CELF2: variants seen among roughly 807,000 people sequenced by gnomAD.
CELF2 encodes CUG triplet repeat RNA-binding protein 2.
In CELF2, 8 loss-of-function variants were observed where a neutral mutation model predicts 62.6. That is an observed-to-expected ratio of 0.13 (90% CI 0.07 to 0.23). The LOEUF (loss-of-function observed/expected upper bound fraction) is 0.23. CELF2 is among the 10% of genes least tolerant of loss of function. The pLI is 1.00. For missense variants in CELF2, 333 were observed against 671.0 expected (o/e 0.50, Z 5.56); for synonymous variants, 258 against 250.0 (o/e 1.03, Z -0.30).
At chr10:10,612,657 T>C in the CELF2 span, among the ~76,000 whole-genome samples, 4 of 152,144 alleles carry the variant, frequency 2.6e-5, no homozygotes, top group Non-Finnish European at 5.9e-5. Flanking sequence ...TTCAAAGTAA[T>C]GGGTTTGTAT....
At chr10:11,134,872 C>G (rs1747720) in intron 1 of CELF2, among the ~76,000 whole-genome samples, 48,092 of 152,120 alleles carry the variant, frequency 0.32, 8,523 homozygotes, top group East Asian at 0.76. Context: ...ACGTGTCTAT[C>G]TTTCTGATTG....
At chr10:10,912,385 TGG>T (rs1158405426) in intron 1 of CELF2, among the ~76,000 whole-genome samples, 1 of 152,178 alleles carries the variant, frequency 6.6e-6, no homozygotes, top group Non-Finnish European at 1.5e-5. Context: ...TTCCTAACAA[TGG>T]GACTTACTTT....
At position 11,297,930 on chromosome 10, in the gene CELF2, C is replaced by G. The variant is rs555975829; in HGVS notation, c.976+9378C>G. 2.0e-5 allele frequency among the ~76,000 whole-genome samples: 3 copies of G among 152,114 alleles called. No homozygotes were observed. The South Asian group carries it at 6.2e-4, about 32-fold the overall frequency. ...CCAGGAGGCAGAGGTTGCAGTGAGCCGAGATCACGTCACTGCACTCCAGCC... is the reference window on the plus strand; with the variant it reads ...CCAGGAGGCAGAGGTTGCAGTGAGCGGAGATCACGTCACTGCACTCCAGCC... On this transcript the variant is annotated intron_variant, in intron 9 of 12. Coordinates refer to ENST00000633077, the MANE Select transcript of CELF2 (RefSeq NM_001326342.2). The surrounding 1 kb of genome is among the most constrained non-coding windows in gnomAD (Gnocchi z 4.4).
chr10:11,209,636 G>T (rs2061312631), intron 2 of CELF2, among the ~76,000 whole-genome samples: 1 of 148,368 alleles, frequency 6.7e-6, no homozygotes, highest in Non-Finnish European at 1.5e-5. Context: ...TTTTTGATGG[G>T]TTTTTTTTTA....
At chr10:11,141,862 G>C (rs2061403797) in intron 1 of CELF2, among the ~76,000 whole-genome samples, 1 of 152,168 alleles carries the variant, frequency 6.6e-6, no homozygotes, top group Admixed American at 6.5e-5. Flanking sequence ...TTCACATATA[G>C]TATCTGTTTT....
At chr10:10,769,862 C>T in the CELF2 span, among the ~76,000 whole-genome samples, 1 of 152,114 alleles carries the variant, frequency 6.6e-6, no homozygotes, top group Non-Finnish European at 1.5e-5. Flanking sequence ...AGAATTACCT[C>T]CTAAATACAT....
rs1297831719 is a variant in CELF2 at position 11,237,420 on chromosome 10, T to A, written c.355-11733T>A. On this transcript the variant is annotated intron_variant, in intron 3 of 12. Transcript: ENST00000633077. The surrounding 1 kb of genome is among the most constrained non-coding windows in gnomAD (Gnocchi z 4.0). ...TTTCCTATGGGGTGAGGCAGGAGTG[T>A]GGCTGGAAGAGTCTGAGTAGTAGGT... is the stretch of plus-strand genomic sequence containing the variant. 6.6e-6 allele frequency among the ~76,000 whole-genome samples: 1 copy of A among 152,062 alleles called. No homozygotes were observed. The highest frequency in any genetic ancestry group is 1.5e-5 in the Non-Finnish European group (1 of 68,014).
chr10:11,211,877 C>G lies in CELF2; in HGVS notation c.272-5548C>G, dbSNP rs540149122. Among the ~76,000 whole-genome samples, 4 of 148,916 alleles carry G rather than the reference C, an allele frequency of 2.7e-5. No individual in the cohort carries two copies. The highest frequency in any genetic ancestry group is 7.4e-5 in the African/African-American group (3 of 40,394). Reference sequence around the variant, plus strand: ...GTGTAACTACCATTGGCCTTTGGGGCTTTATCTTTGGAAACAGCAAAAATC... The same window carrying G: ...GTGTAACTACCATTGGCCTTTGGGGGTTTATCTTTGGAAACAGCAAAAATC... On this transcript the variant is annotated intron_variant, in intron 2 of 12. Transcript: ENST00000633077. This position sits in a 1 kb window ranked among gnomAD's most constrained non-coding sequence, Gnocchi z 4.8.
the CELF2 span, among the ~76,000 whole-genome samples, chr10:10,530,858 C>A: frequency 1.3e-5 from 2 of 152,116 alleles, no homozygotes; most frequent in Non-Finnish European, 2.9e-5. Flanking sequence ...ATTTTAGATG[C>A]AGAATAGAAT....
intron 1 of CELF2, among the ~76,000 whole-genome samples, chr10:10,831,807 A>G (rs2057881513): frequency 6.6e-6 from 1 of 152,152 alleles, no homozygotes; most frequent in Admixed American, 6.5e-5. Context: ...CCCTGTCTCT[A>G]CTAAAAATAC....
At chr10:11,030,080 A>G (rs1191974625) in intron 1 of CELF2, among the ~76,000 whole-genome samples, 1 of 152,302 alleles carries the variant, frequency 6.6e-6, no homozygotes, top group African/African-American at 2.4e-5. Context: ...TCCAGTGTCA[A>G]CCAAACTAAT....
chr10:10,805,250 G>A lies in CELF2; in HGVS notation c.53+6433G>A, dbSNP rs545548732. On this transcript the variant is annotated intron_variant, in intron 1 of 13. Coordinates refer to the CELF2 transcript ENST00000636488. ...GGTGTGGAGCCCCAGTGTGGACTTG[G>A]GTATTGCTAACCCTGAGCTAGAGCA... Among the ~76,000 whole-genome samples, 119 of 152,158 alleles carry A rather than the reference G, an allele frequency of 7.8e-4. 1 individual carries two copies. Among genetic ancestry groups the A allele is most frequent in the Middle Eastern group, 6.8e-3 (2 of 294 alleles).
intron 1 of CELF2, among the ~76,000 whole-genome samples, chr10:10,858,866 AAGG>A (rs1353717808): frequency 6.6e-6 from 1 of 152,190 alleles, no homozygotes; most frequent in Non-Finnish European, 1.5e-5. Flanking sequence ...TTTAAAAAGT[AAGG>A]AGGATTATAA....
At chr10:10,701,072 T>A in the CELF2 span, among the ~76,000 whole-genome samples, 4 of 152,196 alleles carry the variant, frequency 2.6e-5, no homozygotes, top group Admixed American at 6.5e-5. Flanking sequence ...TCAGCGGCCC[T>A]CAGGTATGGC....
Position 11,197,654 on chromosome 10 carries a change from G to A in CELF2, c.272-19771G>A, listed in dbSNP as rs536295379. ...GCTCCCCCGCCTGATCCGCTGAACAGAATCTCAGTTCTGTTTGACTTACAC... is the reference window on the plus strand; with the variant it reads ...GCTCCCCCGCCTGATCCGCTGAACAAAATCTCAGTTCTGTTTGACTTACAC... On this transcript the variant is annotated intron_variant, in intron 2 of 12. Transcript: ENST00000633077. 7.9e-5 allele frequency among the ~76,000 whole-genome samples: 12 copies of A among 152,360 alleles called. No homozygotes were observed. The South Asian group carries it at 2.5e-3, about 32-fold the overall frequency.
intron 8 of CELF2, among the ~76,000 whole-genome samples, chr10:11,281,717 C>T (rs986295260): frequency 6.6e-6 from 1 of 152,164 alleles, no homozygotes; most frequent in Non-Finnish European, 1.5e-5. Context: ...TTCACTCCAG[C>T]CCGGTGACGG....
chr10:11,264,904 C>T (rs2081744790), intron 5 of CELF2, among the ~76,000 whole-genome samples: 1 of 152,220 alleles, frequency 6.6e-6, no homozygotes, highest in Non-Finnish European at 1.5e-5. Flanking sequence ...CAGGCTTCTT[C>T]AAGCCAGCTT....
Position 11,329,322 on chromosome 10 carries a change from CTTTTACCTTTTTT to C in CELF2, c.*273_*285del, listed in dbSNP as rs1353408387. The C allele has an allele frequency of 7.8e-6, 2 of 257,148 alleles. No individual in the cohort carries two copies. Among genetic ancestry groups the C allele is most frequent in the Non-Finnish European group, 1.5e-5 (2 of 137,298 alleles). 15.9% of individuals were successfully genotyped at this position (257,148 alleles called of 1,614,324 possible). On this transcript the variant is annotated 3_prime_UTR_variant, in exon 13 of 13. Coordinates refer to ENST00000633077, the MANE Select transcript of CELF2 (RefSeq NM_001326342.2). The surrounding 1 kb of genome is among the most constrained non-coding windows in gnomAD (Gnocchi z 5.5). ...TCCTTTGTTTTGCGATTTGAATCTC[CTTTTACCTTTTTT>C]TTTAATTTTTTTCATTTTTGCTTTT...
At chr10:11,312,833 C>T (rs1371638747) in intron 9 of CELF2, among the ~76,000 whole-genome samples, 1 of 152,168 alleles carries the variant, frequency 6.6e-6, no homozygotes, top group African/African-American at 2.4e-5. Flanking sequence ...ACTCAGGAGG[C>T]TGAGGCAGGA....
Sources: allele counts gnomAD v4.1 joint callset (sites outside exome capture counted in the v4.1 genomes callset), GRCh38; gene constraint gnomAD v4.1.1; non-coding constraint Gnocchi (gnomAD v3.1); transcripts MANE v1.5; gene names NCBI Gene and HGNC (gene_info 2026-07-23, HGNC 2026-07-21).